CDK12: variants seen among roughly 807,000 people sequenced by gnomAD.
The protein encoded by CDK12 is cyclin dependent kinase 12.
CDK12 carries 17 observed loss-of-function variants against 133.8 expected under a neutral mutation model. The observed-to-expected ratio is 0.13, with a 90% CI of 0.09 to 0.19. The LOEUF is 0.19. CDK12 is among the 10% of genes least tolerant of loss of function. CDK12 has a pLI of 1.00. For missense variants in CDK12, 1,508 were observed against 1,818.7 expected (o/e 0.83, Z 3.11); for synonymous variants, 694 against 683.6 (o/e 1.02, Z -0.24).
downstream of CDK12, among the ~76,000 whole-genome samples, chr17:39,536,733 A>G (rs1310169445): frequency 6.6e-6 from 1 of 152,142 alleles, no homozygotes; most frequent in Non-Finnish European, 1.5e-5. Context: ...TGACCACTGG[A>G]TTTCTCTCAT....
chr17:39,551,296 C>T (rs2055945233), intron 2 of CDK12, among the ~76,000 whole-genome samples: 1 of 152,136 alleles, frequency 6.6e-6, no homozygotes, highest in African/African-American at 2.4e-5. Context: ...ATTAGGGGGA[C>T]ATTTCCTCTA....
chr17:39,540,280 AGGGAACT>A (rs2055348520), intron 1 of CDK12, among the ~76,000 whole-genome samples: 2 of 152,188 alleles, frequency 1.3e-5, no homozygotes, highest in South Asian at 4.1e-4. Flanking sequence ...GCTTGATAAG[AGGGAACT>A]GCTTTGTTTT....
At chr17:39,476,850 T>C (rs1278872950) in intron 2 of CDK12, among the ~76,000 whole-genome samples, 1 of 148,932 alleles carries the variant, frequency 6.7e-6, no homozygotes, top group Non-Finnish European at 1.5e-5. Flanking sequence ...GCCTCCTGAG[T>C]AGCTTGGATT....
chr17:39,489,701 C>T (rs889619668), intron 2 of CDK12, among the ~76,000 whole-genome samples: 12 of 148,282 alleles, frequency 8.1e-5, no homozygotes, highest in African/African-American at 3.0e-4. Flanking sequence ...CCTATGTTGG[C>T]CAGGCTGGTC....
chr17:39,501,137 G>GT (rs1355624771), intron 5 of CDK12, 113 bp from the exon 6 acceptor site: 2 of 661,398 alleles, frequency 3.0e-6, no homozygotes, highest in Middle Eastern at 3.0e-4. Flanking sequence ...AAATTCAAGG[G>GT]TTTTTTCTAG....
intron 6 of CDK12, among the ~76,000 whole-genome samples, chr17:39,502,239 G>C (rs1415634167): frequency 6.6e-6 from 1 of 151,708 alleles, no homozygotes; most frequent in Non-Finnish European, 1.5e-5. Context: ...TGCAAGCTCT[G>C]CCTCCCAGGT....
At chr17:39,502,670 G>A (rs1352239300) in intron 6 of CDK12, among the ~76,000 whole-genome samples, 1 of 152,128 alleles carries the variant, frequency 6.6e-6, no homozygotes, top group Non-Finnish European at 1.5e-5. Flanking sequence ...CATTTATTAA[G>A]GTCAATTTTT....
intron 5 of CDK12, among the ~76,000 whole-genome samples, chr17:39,495,063 G>T (rs1035494699): frequency 6.6e-6 from 1 of 151,702 alleles, no homozygotes; most frequent in African/African-American, 2.4e-5. Flanking sequence ...GAGCCACCGC[G>T]CCTGGCCCTT....
chr17:39,509,611 A>G (rs2053355048), intron 6 of CDK12, 94 bp from the exon 7 acceptor site: 1 of 802,240 alleles, frequency 1.2e-6, no homozygotes, highest in Admixed American at 2.2e-5. Flanking sequence ...TTATTTTTGT[A>G]ATTCCTTTAC....
At chr17:39,483,687 A>T (rs1443064933) in intron 2 of CDK12, among the ~76,000 whole-genome samples, 1 of 147,534 alleles carries the variant, frequency 6.8e-6, no homozygotes, top group African/African-American at 2.6e-5. Flanking sequence ...TTAAACAGTT[A>T]CAATTTATTT....
chr17:39,511,099 C>T (rs1384044842), intron 7 of CDK12, among the ~76,000 whole-genome samples: 1 of 149,976 alleles, frequency 6.7e-6, no homozygotes, highest in Non-Finnish European at 1.5e-5. Flanking sequence ...CCTGTAGTCC[C>T]AGCTACTTGG....
At chr17:39,483,034 T>C (rs939577286) in intron 2 of CDK12, among the ~76,000 whole-genome samples, 2 of 151,714 alleles carry the variant, frequency 1.3e-5, no homozygotes, top group Admixed American at 6.6e-5. Context: ...TGCCTCAGTC[T>C]CCTGAATAGC....
chr17:39,565,536 C>T (rs1327123806), downstream of CDK12, among the ~76,000 whole-genome samples: 1 of 152,008 alleles, frequency 6.6e-6, no homozygotes, highest in Non-Finnish European at 1.5e-5. Flanking sequence ...CAGGTTCAAG[C>T]GATTCTTCTG....
At position 39,462,047 on chromosome 17, in the gene CDK12, CCTT is replaced by C. The variant is rs1567667099; in HGVS notation, c.-20_-18del. ...TTTGGAGTGCTGGGGAACTTTTTTCCCTTCTTCAGGTCAGGGGAAAGGGAATGC... is the reference window on the plus strand; with the variant it reads ...TTTGGAGTGCTGGGGAACTTTTTTCCCTTCAGGTCAGGGGAAAGGGAATGC... On this transcript the variant is annotated 5_prime_UTR_variant, in exon 1 of 14. Coordinates refer to ENST00000447079, the MANE Select transcript of CDK12 (RefSeq NM_016507.4). 4 of 1,591,624 alleles carry C rather than the reference CCTT, an allele frequency of 2.5e-6. No homozygotes were observed. Among genetic ancestry groups the C allele is most frequent in the Admixed American group, 1.7e-5 (1 of 57,608 alleles).
Position 39,531,203 on chromosome 17 carries a change from G to T in CDK12, c.4360G>T (p.Gly1454Ter). ...GPGTTGASSS[G>*]AGLHWGGPTQ... is the part of the protein sequence containing the mutation. ...AGGAACCACTGGGGCCAGCAGCTCA[G>T]GAGCAGGCCTTCACTGGGGGGGCCC... The change falls in exon 14 of 14, where the codon GGA becomes TGA. Residue 1454 changes from glycine to a stop codon, truncating the protein, a stop_gained. Transcript: ENST00000447079. LOFTEE classifies it high-confidence loss of function. 6.6e-7 allele frequency: 1 copy of T among 1,518,990 alleles called. No individual in the cohort carries two copies. The highest frequency in any genetic ancestry group is 2.3e-5 in the East Asian group (1 of 44,010). The allele number at this position is 1,518,990 out of a possible 1,614,324, so 94.1% of individuals were successfully genotyped here.
At chr17:39,545,119 C>G (rs2055621608), upstream of CDK12, among the ~76,000 whole-genome samples, 1 of 152,162 alleles carries the variant, frequency 6.6e-6, no homozygotes, top group Non-Finnish European at 1.5e-5. Flanking sequence ...ATGGATGTTC[C>G]TCTACAGTGG....
chr17:39,492,669 A>G (rs2051733364), intron 3 of CDK12, 82 bp from the exon 4 acceptor site: 2 of 1,038,700 alleles, frequency 1.9e-6, no homozygotes, highest in South Asian at 3.1e-5. Flanking sequence ...TCGGCCTCCC[A>G]AAGTGCTGGG....
rs1404695197 is a variant in CDK12, at chr17:39,461,520, G to A, written c.-552G>A. 1.3e-5 allele frequency: 3 copies of A among 237,992 alleles called. No homozygotes were observed. The highest frequency in any genetic ancestry group is 2.2e-5 in the African/African-American group (1 of 45,306). 14.7% of individuals were successfully genotyped at this position (237,992 alleles called of 1,614,324 possible). A position where few individuals can be genotyped will look rare whatever the true frequency, so the allele number is the denominator to read the frequency against. On this transcript the variant is annotated 5_prime_UTR_variant, in exon 1 of 14. Coordinates refer to ENST00000447079, the MANE Select transcript of CDK12 (RefSeq NM_016507.4). ...TTCGGTTTAATCTAGTGTGTGACTG[G>A]GTCTGTGTGAGGGAGAGAGTGTGTG...
intron 1 of CDK12, among the ~76,000 whole-genome samples, chr17:39,467,922 GTC>G (rs2049471731): frequency 6.6e-6 from 1 of 150,840 alleles, no homozygotes. Flanking sequence ...GAGATGGAGT[GTC>G]TCTCTGTCAC....
Sources: gnomAD v4.1 joint callset for allele counts (sites outside exome capture counted in the v4.1 genomes callset) on GRCh38, gnomAD v4.1.1 for gene constraint, MANE v1.5 for transcripts, NCBI Gene and HGNC (gene_info 2026-07-23, HGNC 2026-07-21) for gene names.